Variants in SLC25A43 observed in about 807,000 individuals in gnomAD.
SLC25A43 encodes the protein solute carrier family 25 member 43, also known as solute carrier family 25, member 43.
Under a neutral mutation model 22.8 loss-of-function variants are expected in SLC25A43, and 10 were observed. The ratio of observed to expected loss-of-function variants is 0.44; its 90% CI spans 0.27 to 0.74. SLC25A43 has a LOEUF of 0.74. Ranked by LOEUF, SLC25A43 falls within the 30% of genes least tolerant of loss-of-function variation. The pLI is 0.17. For synonymous variants in SLC25A43, 106 were observed against 121.6 expected (o/e 0.87, Z 0.84); for missense variants, 233 against 279.1 (o/e 0.83, Z 1.18).
Position 119,399,499 on chromosome X carries a change from C to T in SLC25A43, c.96C>T (p.Pro32=). Residue 32 remains proline (P), a synonymous_variant, in exon 1 of 5, where the codon CCC becomes CCT. Transcript: ENST00000217909. ...AGTLSLSLTA[P]LELATVLAQV... is the part of the protein sequence containing the mutation. ...CGCTCAGCCTCAGCCTCACCGCGCC[C>T]CTGGAGCTCGCCACCGTGCTGGCCC... 3 of 1,093,690 alleles carry T rather than the reference C, an allele frequency of 2.7e-6. No homozygotes were observed. The highest frequency in any genetic ancestry group is 3.6e-6 in the Non-Finnish European group (3 of 840,257). 90.1% of individuals were successfully genotyped at this position (1,093,690 alleles called of 1,213,427 possible).
At chrX:119,410,843 C>G (rs2052343819) in intron 3 of SLC25A43, among the ~76,000 whole-genome samples, 1 of 109,025 alleles carries the variant, frequency 9.2e-6, no homozygotes, top group African/African-American at 3.4e-5. Flanking sequence ...GAGCTGAGAT[C>G]GCGCCATTGC....
chrX:119,408,058 G>A (rs1052605172), intron 2 of SLC25A43, among the ~76,000 whole-genome samples: 1 of 110,243 alleles, frequency 9.1e-6, no homozygotes, highest in Admixed American at 9.8e-5. Context: ...CAATTTCATC[G>A]TTTCACGGCC....
At chrX:119,431,618 G>A (rs2052553100) in intron 3 of SLC25A43, among the ~76,000 whole-genome samples, 1 of 112,154 alleles carries the variant, frequency 8.9e-6, no homozygotes, top group Admixed American at 9.5e-5. Context: ...GACTATCCAC[G>A]TAGCTTATGT....
intron 3 of SLC25A43, among the ~76,000 whole-genome samples, chrX:119,448,171 T>C (rs773610935): frequency 9.0e-6 from 1 of 111,220 alleles, no homozygotes; most frequent in East Asian, 2.8e-4. Context: ...TCCTGTTGAC[T>C]CTACCTTCAG....
chrX:119,449,886 T>C (rs976380121), intron 3 of SLC25A43, among the ~76,000 whole-genome samples: 2 of 111,658 alleles, frequency 1.8e-5, no homozygotes, highest in African/African-American at 3.3e-5. Context: ...ATTGCTTGGA[T>C]AGGGCAGTAA....
chrX:119,415,859 G>GGCACACCTGTAACTGGT, intron 3 of SLC25A43, among the ~76,000 whole-genome samples: 1 of 107,724 alleles, frequency 9.3e-6, no homozygotes, highest in Middle Eastern at 4.8e-3. Context: ...AAATTAACTG[G>GGCACACCTGTAACTGGT]GCACACCTGT....
chrX:119,410,388 G>A (rs2052339375), intron 3 of SLC25A43, 26 bp downstream of exon 3: 1 of 1,199,603 alleles, frequency 8.3e-7, no homozygotes, highest in East Asian at 3.0e-5. Context: ...AGTGGGGTAG[G>A]GGGTGGAATG....
At position 119,443,674 on chromosome X, in the gene SLC25A43, G is replaced by C. The variant is rs2052641543; in HGVS notation, c.691-8335G>C. Among the ~76,000 whole-genome samples the C allele has an allele frequency of 1.8e-5, 2 of 110,429 alleles. 1 individual carries two copies. Among genetic ancestry groups the C allele is most frequent in the East Asian group, 5.6e-4 (2 of 3,551 alleles). On this transcript the variant is annotated intron_variant, in intron 3 of 4. Coordinates refer to ENST00000217909, the MANE Select transcript of SLC25A43 (RefSeq NM_145305.3). ...TTTGCTTGTCACTGCACTTTAAAGA[G>C]AAGGCATAACTCAAAAGTTTCACCC...
chrX:119,441,584 T>A (rs1412799714), intron 3 of SLC25A43, among the ~76,000 whole-genome samples: 1 of 111,492 alleles, frequency 9.0e-6, no homozygotes, highest in East Asian at 2.8e-4. Context: ...CTTACTGAAT[T>A]TTCCTGGTGT....
At chrX:119,443,419 C>T (rs1479081764) in intron 3 of SLC25A43, among the ~76,000 whole-genome samples, 1 of 106,249 alleles carries the variant, frequency 9.4e-6, no homozygotes, top group Non-Finnish European at 1.9e-5. Flanking sequence ...CCGCGCCCAG[C>T]CCCCATTCTC....
intron 3 of SLC25A43, among the ~76,000 whole-genome samples, chrX:119,416,931 A>T (rs1055903047): frequency 1.8e-5 from 2 of 112,355 alleles, no homozygotes; most frequent in African/African-American, 6.5e-5. Flanking sequence ...AAGAAGTATG[A>T]TATACTGTAA....
At chrX:119,452,615 G>A (rs1012955032) in intron 4 of SLC25A43, among the ~76,000 whole-genome samples, 2 of 111,355 alleles carry the variant, frequency 1.8e-5, no homozygotes. Flanking sequence ...GATAGTCTGC[G>A]TGCATATGAC....
intron 2 of SLC25A43, among the ~76,000 whole-genome samples, chrX:119,409,470 T>C (rs2052329685): frequency 9.3e-6 from 1 of 107,151 alleles, no homozygotes; most frequent in Non-Finnish European, 1.9e-5. Flanking sequence ...CCTCCCAAAG[T>C]GCTGGGATTA....
chrX:119,426,668 A>T lies in SLC25A43; in HGVS notation c.690+16306A>T, dbSNP rs189478791. 5.7e-3 allele frequency among the ~76,000 whole-genome samples: 632 copies of T among 110,962 alleles called. 3 individuals are homozygous for T. The highest frequency in any genetic ancestry group is 0.018 in the African/African-American group (558 of 30,544). On this transcript the variant is annotated intron_variant, in intron 3 of 4. Transcript: ENST00000217909. Reference sequence around the variant, plus strand: ...CGAAACCCCGTCTCTAATAAAAATTAAAAAATTAGCTGGGCATGGTGGCGC... The same window carrying T: ...CGAAACCCCGTCTCTAATAAAAATTTAAAAATTAGCTGGGCATGGTGGCGC...
chrX:119,415,948 C>T (rs1284144654), intron 3 of SLC25A43, among the ~76,000 whole-genome samples: 3 of 95,149 alleles, frequency 3.2e-5, no homozygotes, highest in Non-Finnish European at 4.1e-5. Flanking sequence ...GTAGAGGCTG[C>T]GGTGAGCCGT....
At chrX:119,434,287 A>G (rs2052579109) in intron 3 of SLC25A43, among the ~76,000 whole-genome samples, 1 of 109,705 alleles carries the variant, frequency 9.1e-6, no homozygotes, top group Non-Finnish European at 1.9e-5. Context: ...CAAAATCAAG[A>G]GTTCTGATTA....
In SLC25A43 at chrX:119,406,462, T is replaced by C. The variant is rs2052297238; in HGVS notation, c.278T>C (p.Phe93Ser). ...CCTTTCCCCCTATTTTCTCCCAGATTTGTTGTGCTGTTCACAGATGACCTG... is the reference window on the plus strand; with the variant it reads ...CCTTTCCCCCTATTTTCTCCCAGATCTGTTGTGCTGTTCACAGATGACCTG... The part of the protein sequence containing the change: ...SAVQLAAYRK[F>S]VVLFTDDLGH... The change falls in exon 2 of 5, where the codon TTT becomes TCT. Residue 93 changes from phenylalanine (F) to serine (S), a missense_variant and splice_region_variant. Transcript: ENST00000217909. 1 of 1,208,761 alleles carries C rather than the reference T, an allele frequency of 8.3e-7. No individual in the cohort carries two copies. Among genetic ancestry groups the C allele is most frequent in the Non-Finnish European group, 1.1e-6 (1 of 894,143 alleles).
intron 3 of SLC25A43, among the ~76,000 whole-genome samples, chrX:119,435,115 A>T (rs1019146897): frequency 9.0e-6 from 1 of 111,447 alleles, no homozygotes; most frequent in African/African-American, 3.3e-5. Flanking sequence ...CTGGGATTAC[A>T]GGCGTGAGCC....
At chrX:119,421,026 C>A (rs1184236314) in intron 3 of SLC25A43, among the ~76,000 whole-genome samples, 1 of 103,018 alleles carries the variant, frequency 9.7e-6, no homozygotes, top group Non-Finnish European at 2.0e-5. Flanking sequence ...GCGGGAGGAT[C>A]GCTTGAACCT....
Sources: allele counts gnomAD v4.1 joint callset (sites outside exome capture counted in the v4.1 genomes callset), GRCh38; gene constraint gnomAD v4.1.1; transcripts MANE v1.5; gene names NCBI Gene and HGNC (gene_info 2026-07-23, HGNC 2026-07-21).